The following LRGUK variants were observed in gnomAD, a reference collection of about 807,000 sequenced individuals.
LRGUK encodes leucine-rich repeat and guanylate kinase domain-containing protein.
A neutral mutation model predicts 76.0 loss-of-function variants in LRGUK; 65 were observed. The ratio of observed to expected loss-of-function variants is 0.85; its 90% CI spans 0.70 to 1.05. LRGUK has a LOEUF of 1.05. LRGUK is among the 50% of genes least tolerant of loss of function. The pLI, the probability that LRGUK is intolerant of heterozygous loss-of-function variation, is 0.00. For missense variants in LRGUK, 758 were observed against 732.8 expected (o/e 1.03, Z -0.40); for synonymous variants, 268 against 265.6 (o/e 1.01, Z -0.09).
chr7:134,271,600 T>A, the LRGUK span, among the ~76,000 whole-genome samples: 1 of 152,040 alleles, frequency 6.6e-6, no homozygotes, highest in Non-Finnish European at 1.5e-5. Flanking sequence ...TATCAAATTC[T>A]ACAAATGCCT....
chr7:134,208,753 G>A lies in LRGUK; in HGVS notation c.1890G>A (p.Leu630=), dbSNP rs745485906. Residue 630 remains leucine, a synonymous_variant, in exon 16 of 16, where the codon CTG becomes CTA. Transcript: ENST00000645682. ...CTGTCTCTGGGGTGCCAGCACACCT[G>A]GTTCCATCTCCCAGGTGCTTGGCGA... 9 of 399,018 alleles carry A rather than the reference G, an allele frequency of 2.3e-5. No homozygotes were observed. In the South Asian group the frequency reaches 1.1e-3, roughly 51 times the overall value. The allele number at this position is 399,018 out of a possible 1,614,324, so 24.7% of individuals were successfully genotyped here.
intron 12 of LRGUK, among the ~76,000 whole-genome samples, chr7:134,195,347 C>A (rs1022348510): frequency 2.0e-5 from 3 of 152,180 alleles, no homozygotes; most frequent in African/African-American, 7.2e-5. Flanking sequence ...TGGGAAAGGG[C>A]TGTTATCATC....
At chr7:134,245,660 A>T (rs778502921) in intron 16 of LRGUK, among the ~76,000 whole-genome samples, 8 of 152,190 alleles carry the variant, frequency 5.3e-5, no homozygotes, top group Non-Finnish European at 1.0e-4. Context: ...TCATCTTCTC[A>T]GTTATAATAA....
chr7:134,134,439 G>A (rs996996082), intron 1 of LRGUK, among the ~76,000 whole-genome samples: 2 of 152,198 alleles, frequency 1.3e-5, no homozygotes, highest in Admixed American at 1.3e-4. Flanking sequence ...ATAACAACAG[G>A]AGCTTGAAAA....
At chr7:134,199,898 AT>A (rs1800676769) in intron 14 of LRGUK, among the ~76,000 whole-genome samples, 1 of 147,542 alleles carries the variant, frequency 6.8e-6, no homozygotes, top group South Asian at 2.1e-4. Flanking sequence ...TCATGGGAGA[AT>A]TTATCAAAAT....
chr7:134,219,265 T>G (rs887161211), intron 15 of LRGUK, among the ~76,000 whole-genome samples: 1 of 152,190 alleles, frequency 6.6e-6, no homozygotes, highest in Non-Finnish European at 1.5e-5. Context: ...GGAGTTCAAG[T>G]CGTTAAAGCG....
At position 134,222,786 on chromosome 7, in the gene LRGUK, T is replaced by C. The variant is rs186027163; in HGVS notation, c.1983+868T>C. Among the ~76,000 whole-genome samples, 1,012 of 152,230 alleles carry C rather than the reference T, an allele frequency of 6.6e-3. 12 individuals are homozygous for C. Among genetic ancestry groups the C allele is most frequent in the African/African-American group, 0.018 (742 of 41,540 alleles). ...ACCATGCCTAGCTAATTTTGTATTT[T>C]CAGTAGAGATGGGGTTTTTCTTGTT... On this transcript the variant is annotated intron_variant, in intron 16 of 19. Coordinates refer to the LRGUK transcript ENST00000285928.
chr7:134,197,322 T>C (rs1800537751), intron 13 of LRGUK, among the ~76,000 whole-genome samples: 1 of 152,084 alleles, frequency 6.6e-6, no homozygotes, highest in Non-Finnish European at 1.5e-5. Flanking sequence ...GATAAGATAT[T>C]CCGTTTATAA....
intron 19 of LRGUK, among the ~76,000 whole-genome samples, chr7:134,258,609 G>T (rs970002751): frequency 6.6e-6 from 1 of 151,572 alleles, no homozygotes; most frequent in Non-Finnish European, 1.5e-5. Context: ...TGAGGCAAGA[G>T]AATTGCTTGA....
exon 16 of LRGUK, chr7:134,210,173 C>T (rs921369414): frequency 5.0e-6 from 2 of 399,324 alleles, no homozygotes; most frequent in African/African-American, 4.1e-5. Flanking sequence ...AGCCTTGCAG[C>T]TAGAACCCCA....
At chr7:134,174,595 C>T in exon 8 of LRGUK, 2 of 1,608,978 alleles carry the variant, frequency 1.2e-6, no homozygotes, top group Non-Finnish European at 1.7e-6. Context: ...TAAAAATTTA[C>T]CCATCCTTCG....
chr7:134,136,221 C>G (rs998492840), intron 1 of LRGUK, among the ~76,000 whole-genome samples: 2 of 152,144 alleles, frequency 1.3e-5, no homozygotes, highest in African/African-American at 4.8e-5. Flanking sequence ...CACCTGTTAT[C>G]TCTTTTGTCT....
At chr7:134,273,058 G>A in the LRGUK span, among the ~76,000 whole-genome samples, 1 of 152,116 alleles carries the variant, frequency 6.6e-6, no homozygotes, top group Non-Finnish European at 1.5e-5. Flanking sequence ...GCCTGGCTGT[G>A]GCTGCATCCC....
the LRGUK span, among the ~76,000 whole-genome samples, chr7:134,270,530 A>G: frequency 3.3e-5 from 5 of 152,090 alleles, no homozygotes; most frequent in Admixed American, 3.3e-4. Flanking sequence ...TTCTCAGTTT[A>G]GTTTTTTATC....
intron 1 of LRGUK, among the ~76,000 whole-genome samples, chr7:134,131,156 CT>C (rs1040810574): frequency 1.3e-5 from 2 of 152,168 alleles, no homozygotes; most frequent in African/African-American, 4.8e-5. Context: ...AAAAACACTT[CT>C]TTTCAGTCCC....
chr7:134,140,684 G>GT lies in LRGUK; in HGVS notation c.487+1174dup, dbSNP rs200198614. ...TATGTCTTCTCTGTTTGATTCTGGGGTTTTTTTCCCCTTCTAGGACCCTAA... is the reference window on the plus strand; with the variant it reads ...TATGTCTTCTCTGTTTGATTCTGGGGTTTTTTTTCCCCTTCTAGGACCCTAA... On this transcript the variant is annotated intron_variant, in intron 3 of 15. Coordinates refer to ENST00000645682, the Ensembl canonical transcript of LRGUK. Among the ~76,000 whole-genome samples, 116 of 148,320 alleles carry GT rather than the reference G, an allele frequency of 7.8e-4. 2 individuals carry two copies. The highest frequency in any genetic ancestry group is 2.5e-3 in the Admixed American group (37 of 14,666).
intron 16 of LRGUK, among the ~76,000 whole-genome samples, chr7:134,235,524 C>T (rs565180186): frequency 6.6e-6 from 1 of 152,312 alleles, no homozygotes; most frequent in African/African-American, 2.4e-5. Flanking sequence ...CTCCCTAGCC[C>T]CTTTTCCCTG....
At chr7:134,169,485 A>G (rs909369103) in intron 7 of LRGUK, among the ~76,000 whole-genome samples, 6 of 152,190 alleles carry the variant, frequency 3.9e-5, no homozygotes, top group South Asian at 2.1e-4. Context: ...TGGGGAATAG[A>G]GGATGAGGTC....
intron 15 of LRGUK, among the ~76,000 whole-genome samples, chr7:134,218,206 C>A (rs1012091128): frequency 2.0e-5 from 3 of 152,152 alleles, no homozygotes; most frequent in African/African-American, 7.2e-5. Flanking sequence ...CAAGTGAACG[C>A]CTGCCTCGGC....
Sources: gnomAD v4.1 joint callset for allele counts (sites outside exome capture counted in the v4.1 genomes callset) on GRCh38, gnomAD v4.1.1 for gene constraint, MANE v1.5 for transcripts, NCBI Gene and HGNC (gene_info 2026-07-23, HGNC 2026-07-21) for gene names.